The following GRM7 variants were observed in gnomAD, a reference collection of about 807,000 sequenced individuals.
GRM7 encodes the protein metabotropic glutamate receptor 7.
A neutral mutation model predicts 84.5 loss-of-function variants in GRM7; 35 were observed. The observed-to-expected ratio is 0.41, with a 90% CI of 0.32 to 0.55. The LOEUF is 0.55. Among genes scored for constraint, GRM7 ranks in the 20% least tolerant of loss-of-function variants. The pLI is 0.19. For synonymous variants in GRM7, 487 were observed against 455.1 expected (o/e 1.07, Z -0.89); for missense variants, 1,003 against 1,194.6 (o/e 0.84, Z 2.36).
chr3:7,231,461 T>C lies in GRM7; in HGVS notation c.737-67223T>C, dbSNP rs142999614. Among the ~76,000 whole-genome samples, 293 of 151,980 alleles carry C rather than the reference T, an allele frequency of 1.9e-3. 5 individuals are homozygous for C. Among genetic ancestry groups the C allele is most frequent in the African/African-American group, 5.7e-3 (235 of 41,304 alleles). On this transcript the variant is annotated intron_variant, in intron 2 of 9. Coordinates refer to ENST00000357716, the MANE Select transcript of GRM7 (RefSeq NM_000844.4). ...AAAATTTGGAGCATATATATATACATATATAATGTCCAGAAACACAATCTA... is the reference window on the plus strand; with the variant it reads ...AAAATTTGGAGCATATATATATACACATATAATGTCCAGAAACACAATCTA...
chr3:7,107,338 GT>G (rs1692692258), intron 1 of GRM7, among the ~76,000 whole-genome samples: 1 of 151,960 alleles, frequency 6.6e-6, no homozygotes, highest in Admixed American at 6.6e-5. Context: ...TATGTAATAC[GT>G]TCTACAGTAA....
At chr3:6,917,183 G>T (rs930864490) in intron 1 of GRM7, among the ~76,000 whole-genome samples, 3 of 152,012 alleles carry the variant, frequency 2.0e-5, no homozygotes, top group African/African-American at 7.3e-5. Context: ...TTGGTAAGAG[G>T]TTAGGACTAT....
intron 3 of GRM7, among the ~76,000 whole-genome samples, chr3:7,304,770 T>G: frequency 6.6e-6 from 1 of 152,284 alleles, no homozygotes; most frequent in South Asian, 2.1e-4. Context: ...TGTTCTTGAT[T>G]AAAGATATGA....
At chr3:7,027,771 T>C (rs1311702986) in intron 1 of GRM7, among the ~76,000 whole-genome samples, 2 of 152,198 alleles carry the variant, frequency 1.3e-5, no homozygotes, top group Non-Finnish European at 2.9e-5. Context: ...TGTTATGCGT[T>C]GTGTTTCAAC....
At chr3:6,931,838 C>T (rs987806047) in intron 1 of GRM7, among the ~76,000 whole-genome samples, 1 of 152,250 alleles carries the variant, frequency 6.6e-6, no homozygotes, top group Non-Finnish European at 1.5e-5. Flanking sequence ...ATTTGAAACG[C>T]TGGAATGCAT....
At chr3:6,935,308 A>T (rs375249807) in intron 1 of GRM7, among the ~76,000 whole-genome samples, 2 of 152,168 alleles carry the variant, frequency 1.3e-5, no homozygotes, top group African/African-American at 4.8e-5. Flanking sequence ...ATGTAAAACA[A>T]CATTCACTGA....
intron 8 of GRM7, among the ~76,000 whole-genome samples, chr3:7,641,677 G>T (rs777684021): frequency 1.3e-5 from 2 of 151,890 alleles, no homozygotes; most frequent in Admixed American, 6.6e-5. Context: ...AATAATTATT[G>T]ATCTTAAAAG....
intron 7 of GRM7, among the ~76,000 whole-genome samples, chr3:7,551,538 A>G (rs911863953): frequency 6.6e-6 from 1 of 151,918 alleles, no homozygotes; most frequent in Admixed American, 6.6e-5. Context: ...GTAAAATCCC[A>G]GATCCTTTAC....
intron 2 of GRM7, among the ~76,000 whole-genome samples, chr3:7,214,792 G>C (rs913250637): frequency 2.3e-4 from 35 of 151,992 alleles, no homozygotes; most frequent in South Asian, 6.2e-4. Context: ...AATAATCTTG[G>C]GTTTGTTTTT....
At chr3:7,738,322 G>C (rs1702572501) in intron 9 of GRM7, among the ~76,000 whole-genome samples, 1 of 152,166 alleles carries the variant, frequency 6.6e-6, no homozygotes, top group Admixed American at 6.5e-5. Flanking sequence ...AGGCAGCCTA[G>C]TTCTGGATTG....
chr3:7,511,094 T>C (rs1700184997), intron 7 of GRM7, among the ~76,000 whole-genome samples: 1 of 152,128 alleles, frequency 6.6e-6, no homozygotes, highest in Non-Finnish European at 1.5e-5. Context: ...AATTAATTAC[T>C]TGGGGTGTCA....
At chr3:7,550,977 C>A (rs1248476140) in intron 7 of GRM7, among the ~76,000 whole-genome samples, 1 of 152,036 alleles carries the variant, frequency 6.6e-6, no homozygotes, top group Non-Finnish European at 1.5e-5. Flanking sequence ...GGTTAGAATC[C>A]CCATTCATCT....
At chr3:6,924,171 C>T (rs946623791) in intron 1 of GRM7, among the ~76,000 whole-genome samples, 2 of 152,100 alleles carry the variant, frequency 1.3e-5, no homozygotes, top group Non-Finnish European at 1.5e-5. Context: ...CATCTGCTCT[C>T]GTGTTGGAGA....
intron 4 of GRM7, among the ~76,000 whole-genome samples, chr3:7,345,470 G>A (rs1378977643): frequency 6.6e-6 from 1 of 151,780 alleles, no homozygotes; most frequent in African/African-American, 2.4e-5. Flanking sequence ...TTTTAGTAAC[G>A]ACGGGGTTTC....
intron 1 of GRM7, among the ~76,000 whole-genome samples, chr3:6,916,970 C>G (rs1696962172): frequency 6.6e-6 from 1 of 151,986 alleles, no homozygotes; most frequent in Non-Finnish European, 1.5e-5. Context: ...TAGGAGTTTT[C>G]AAAATTCAGA....
intron 1 of GRM7, among the ~76,000 whole-genome samples, chr3:7,136,438 A>C (rs913760417): frequency 6.6e-6 from 1 of 151,918 alleles, no homozygotes; most frequent in Non-Finnish European, 1.5e-5. Flanking sequence ...AAGAAAAAAA[A>C]ACAAAAACAG....
intron 2 of GRM7, among the ~76,000 whole-genome samples, chr3:7,206,152 C>G (rs1696232469): frequency 6.6e-6 from 1 of 152,118 alleles, no homozygotes; most frequent in South Asian, 2.1e-4. Flanking sequence ...TTCTCTTTCT[C>G]TTTTTCACTG....
intron 8 of GRM7, among the ~76,000 whole-genome samples, chr3:7,641,657 A>G (rs1056070477): frequency 6.6e-6 from 1 of 152,200 alleles, no homozygotes; most frequent in African/African-American, 2.4e-5. Context: ...TCTAATGTAC[A>G]GCCAAGGCTA....
chr3:7,075,038 G>A (rs762853855), intron 1 of GRM7, among the ~76,000 whole-genome samples: 5 of 152,214 alleles, frequency 3.3e-5, no homozygotes, highest in African/African-American at 7.2e-5. Flanking sequence ...GGTCTCTTTC[G>A]GTCAGTCTGT....
Sources: allele counts gnomAD v4.1 joint callset (sites outside exome capture counted in the v4.1 genomes callset), GRCh38; gene constraint gnomAD v4.1.1; transcripts MANE v1.5; gene names NCBI Gene and HGNC (gene_info 2026-07-23, HGNC 2026-07-21).